The following PRXL2A variants were observed in gnomAD, a reference collection of about 807,000 sequenced individuals.
PRXL2A encodes the protein peroxiredoxin-like 2A.
PRXL2A carries 26 observed loss-of-function variants against 25.6 expected under a neutral mutation model. The ratio of observed to expected loss-of-function variants is 1.02; its 90% CI spans 0.74 to 1.41. The LOEUF is 1.41. Ranked by LOEUF, PRXL2A falls within the 40% of genes most tolerant of loss-of-function variation. The pLI is 0.00. For missense variants in PRXL2A, 246 were observed against 273.9 expected (o/e 0.90, Z 0.72); for synonymous variants, 98 against 102.9 (o/e 0.95, Z 0.29).
chr10:80,427,341 T>C lies in PRXL2A; in HGVS notation c.421T>C (p.Tyr141His). The C allele has an allele frequency of 1.2e-6, 2 of 1,613,994 alleles. No homozygotes were observed. The highest frequency in any genetic ancestry group is 1.7e-6 in the Non-Finnish European group (2 of 1,179,958). ...CTTTCTCACTCCATAGAAAAAGTTC[T>C]ATGGTCCACAAAGGCGGAAGATGAT... Reference protein sequence around the residue: ...EIFLDEKKKFYGPQRRKMMFM... With the variant: ...EIFLDEKKKFHGPQRRKMMFM... Residue 141 changes from tyrosine to histidine, a missense_variant, in exon 5 of 6, where the codon TAT (tyrosine) becomes CAT (histidine). Transcript: ENST00000606162.
chr10:80,425,753 T>C, intron 3 of PRXL2A, 113 bp from the exon 4 acceptor site: 1 of 1,365,860 alleles, frequency 7.3e-7, no homozygotes, highest in Non-Finnish European at 1.0e-6. Flanking sequence ...GCCTTGCCTC[T>C]GCTTTCCACT....
At chr10:80,419,894 CTGG>C in intron 1 of PRXL2A, 2 of 825,736 alleles carry the variant, frequency 2.4e-6, no homozygotes, top group Non-Finnish European at 2.9e-6. Flanking sequence ...CTGCTGGGCA[CTGG>C]CTGGGGGCTT....
intron 3 of PRXL2A, among the ~76,000 whole-genome samples, chr10:80,423,055 T>C (rs756571925): frequency 6.6e-6 from 1 of 152,210 alleles, no homozygotes; most frequent in Non-Finnish European, 1.5e-5. Flanking sequence ...CTCTCAGCAT[T>C]GAATCTGTAG....
intron 1 of PRXL2A, among the ~76,000 whole-genome samples, chr10:80,418,021 A>G (rs1483796115): frequency 6.7e-6 from 1 of 148,990 alleles, no homozygotes; most frequent in Non-Finnish European, 1.5e-5. Context: ...GTTCTCTCTT[A>G]TTCCTTTTTT....
At chr10:80,420,711 T>C in intron 2 of PRXL2A, 66 bp downstream of exon 2, 1 of 1,198,886 alleles carries the variant, frequency 8.3e-7, no homozygotes, top group Admixed American at 2.9e-5. Context: ...TACTGCTTTC[T>C]TTCTAAACTC....
At chr10:80,423,337 G>C (rs1844930475) in intron 3 of PRXL2A, among the ~76,000 whole-genome samples, 1 of 152,190 alleles carries the variant, frequency 6.6e-6, no homozygotes, top group African/African-American at 2.4e-5. Context: ...GTCTGTTTGT[G>C]GTCACACAGC....
At chr10:80,416,598 G>T (rs1048905159) in intron 1 of PRXL2A, among the ~76,000 whole-genome samples, 1 of 152,190 alleles carries the variant, frequency 6.6e-6, no homozygotes, top group African/African-American at 2.4e-5. Flanking sequence ...CAGGCAGAGG[G>T]GTAGAGATGT....
At chr10:80,413,895 A>G (rs764210133) in intron 1 of PRXL2A, 2 of 1,235,896 alleles carry the variant, frequency 1.6e-6, no homozygotes, top group Non-Finnish European at 2.1e-6. Context: ...CTTGTTCCCA[A>G]GTTTGAAGCG....
At chr10:80,419,393 C>T (rs1370591030) in intron 1 of PRXL2A, among the ~76,000 whole-genome samples, 4 of 150,972 alleles carry the variant, frequency 2.6e-5, no homozygotes, top group Non-Finnish European at 5.9e-5. Context: ...CCGCAACCTC[C>T]GCCTCCCAGG....
intron 4 of PRXL2A, among the ~76,000 whole-genome samples, chr10:80,426,733 G>A (rs1845054120): frequency 1.3e-5 from 2 of 152,186 alleles, no homozygotes; most frequent in South Asian, 4.1e-4. Flanking sequence ...CTGTCAGGTG[G>A]AAGACTAGTG....
intron 1 of PRXL2A, chr10:80,413,961 GAGAC>G: frequency 1.2e-6 from 1 of 847,376 alleles, no homozygotes; most frequent in Non-Finnish European, 1.5e-6. Flanking sequence ...GTATAGGAAA[GAGAC>G]AGGGTCTCGA....
intron 5 of PRXL2A, 28 bp from the exon 6 acceptor site, chr10:80,431,958 A>G: frequency 6.6e-7 from 1 of 1,507,612 alleles, no homozygotes. Context: ...TAGGATGAGG[A>G]CTGACATTAT....
chr10:80,432,833 A>G lies in PRXL2A; in HGVS notation c.*734A>G, dbSNP rs572027244. The G allele has an allele frequency of 3.9e-5, 6 of 152,302 alleles. No homozygotes were observed. In the East Asian group the frequency reaches 1.2e-3, roughly 29 times the overall value. The allele number at this position is 152,302 out of a possible 1,614,324, so 9.4% of individuals were successfully genotyped here. A position where few individuals can be genotyped will look rare whatever the true frequency, so the allele number is the denominator to read the frequency against. The stretch of plus-strand genomic sequence containing the variant: ...TTAATAATTGGTTATATGATGTCAA[A>G]GTAATACTTTCATAATAGAATTGAC... On this transcript the variant is annotated 3_prime_UTR_variant, in exon 6 of 6. Coordinates refer to ENST00000606162, the MANE Select transcript of PRXL2A (RefSeq NM_032333.5).
rs1162278333 is a variant in PRXL2A at position 80,432,903 on chromosome 10, T to A, written c.*804T>A. ...CAAAGGTAAATTATAAAGTGAAATCTCTTGTTTCATTATCTTCCATTCTAA... is the reference window on the plus strand; with the variant it reads ...CAAAGGTAAATTATAAAGTGAAATCACTTGTTTCATTATCTTCCATTCTAA... On this transcript the variant is annotated 3_prime_UTR_variant, in exon 6 of 6. Coordinates refer to ENST00000606162, the MANE Select transcript of PRXL2A (RefSeq NM_032333.5). 6.6e-6 allele frequency: 1 copy of A among 152,214 alleles called. No homozygotes were observed. The highest frequency in any genetic ancestry group is 2.4e-5 in the African/African-American group (1 of 41,446). The allele number at this position is 152,214 out of a possible 1,614,324, so 9.4% of individuals were successfully genotyped here.
intron 2 of PRXL2A, among the ~76,000 whole-genome samples, 171 bp from the exon 3 acceptor site, chr10:80,422,246 T>TTCTG (rs1367832784): frequency 5.9e-5 from 9 of 152,186 alleles, no homozygotes; most frequent in Admixed American, 5.9e-4. Flanking sequence ...AAGGTGTGTA[T>TTCTG]TCTGTCTGTC....
chr10:80,418,614 C>T (rs1360380986), intron 1 of PRXL2A, among the ~76,000 whole-genome samples: 3 of 152,162 alleles, frequency 2.0e-5, no homozygotes, highest in African/African-American at 4.8e-5. Flanking sequence ...GTGAGGTGGG[C>T]CACACAATTA....
In PRXL2A at chr10:80,425,682, A is replaced by T. The variant is rs563946793; in HGVS notation, c.271-184A>T. Among the ~76,000 whole-genome samples the T allele has an allele frequency of 3.9e-5, 6 of 152,264 alleles. No individual in the cohort carries two copies. In the South Asian group the frequency reaches 1.2e-3, roughly 32 times the overall value. On this transcript the variant is annotated intron_variant, in intron 3 of 5. Transcript: ENST00000606162. ...GTAGGAGAGAAGCATTGTGGGCAGGAGGAGAGGATGTGTTTGGGTATGGCT... is the reference window on the plus strand; with the variant it reads ...GTAGGAGAGAAGCATTGTGGGCAGGTGGAGAGGATGTGTTTGGGTATGGCT...
At chr10:80,410,097 G>A (rs1844426999) in intron 1 of PRXL2A, among the ~76,000 whole-genome samples, 1 of 152,230 alleles carries the variant, frequency 6.6e-6, no homozygotes, top group South Asian at 2.1e-4. Flanking sequence ...GATAGGACTG[G>A]AACTCTAGGG....
rs569625829 is a variant in PRXL2A, at chr10:80,434,310, A to G, written c.*2211A>G. 2 of 152,294 alleles carry G rather than the reference A, an allele frequency of 1.3e-5. No individual in the cohort carries two copies. The highest frequency in any genetic ancestry group is 4.8e-5 in the African/African-American group (2 of 41,558). 9.4% of individuals were successfully genotyped at this position (152,294 alleles called of 1,614,324 possible). On this transcript the variant is annotated 3_prime_UTR_variant, in exon 6 of 6. Coordinates refer to ENST00000606162, the MANE Select transcript of PRXL2A (RefSeq NM_032333.5). The stretch of plus-strand genomic sequence containing the variant: ...GCACTGGATTGAGTCATGAGGCATA[A>G]TCAATTTCTAGTTTACCAGTGTGAT...
Sources: allele counts gnomAD v4.1 joint callset (sites outside exome capture counted in the v4.1 genomes callset), GRCh38; gene constraint gnomAD v4.1.1; transcripts MANE v1.5; gene names NCBI Gene and HGNC (gene_info 2026-07-23, HGNC 2026-07-21).